Variants in OPHN1 observed in about 807,000 individuals in gnomAD.
OPHN1 encodes oligophrenin-1.
OPHN1 carries 11 observed loss-of-function variants against 60.7 expected under a neutral mutation model. The observed-to-expected ratio is 0.18, with a 90% CI of 0.11 to 0.30. The LOEUF (loss-of-function observed/expected upper bound fraction) is 0.30, where lower values mean the gene tolerates loss of function less well. Ranked by LOEUF, OPHN1 falls within the 10% of genes least tolerant of loss-of-function variation. The pLI is 1.00. For synonymous variants in OPHN1, 226 were observed against 222.6 expected, an observed-to-expected ratio of 1.02 and a Z score of -0.14; for missense variants, 449 against 611.0, an observed-to-expected ratio of 0.73 and a Z score of 2.80.
intron 15 of OPHN1, among the ~76,000 whole-genome samples, chrX:68,179,906 G>T (rs938713475): frequency 2.7e-5 from 3 of 111,375 alleles, no homozygotes; most frequent in African/African-American, 9.8e-5. Flanking sequence ...TTTATCAGGA[G>T]CCCAGTCTCA....
At chrX:68,283,326 CT>C (rs1222125362) in intron 3 of OPHN1, among the ~76,000 whole-genome samples, 1 of 111,653 alleles carries the variant, frequency 9.0e-6, no homozygotes, top group Middle Eastern at 4.2e-3. Context: ...TCCCCATACA[CT>C]TTAATATTTT....
chrX:68,109,853 C>A (rs990838115), intron 18 of OPHN1, among the ~76,000 whole-genome samples: 2 of 111,094 alleles, frequency 1.8e-5, no homozygotes, highest in African/African-American at 6.5e-5. Context: ...TAATACTACA[C>A]TGTTGAATAC....
chrX:68,301,582 A>C (rs527288408), intron 2 of OPHN1, among the ~76,000 whole-genome samples: 2 of 111,845 alleles, frequency 1.8e-5, no homozygotes, highest in South Asian at 3.7e-4. Context: ...AAACAAGTGA[A>C]GTGGATGACT....
intron 2 of OPHN1, among the ~76,000 whole-genome samples, chrX:68,430,385 T>C (rs1377152220): frequency 3.6e-5 from 4 of 112,120 alleles, no homozygotes; most frequent in Non-Finnish European, 7.5e-5. Context: ...TGTCCTATTT[T>C]TGGCTTTCTG....
At chrX:68,246,610 C>T (rs2077807106) in intron 5 of OPHN1, among the ~76,000 whole-genome samples, 1 of 111,716 alleles carries the variant, frequency 9.0e-6, no homozygotes, top group African/African-American at 3.3e-5. Flanking sequence ...CTTGTAGCTC[C>T]ATAAAGTCAA....
intron 2 of OPHN1, among the ~76,000 whole-genome samples, chrX:68,358,333 T>C (rs1458245955): frequency 1.8e-5 from 2 of 108,687 alleles, no homozygotes; most frequent in African/African-American, 3.3e-5. Flanking sequence ...AAAGTAATAA[T>C]AATAATAATG....
intron 6 of OPHN1, among the ~76,000 whole-genome samples, chrX:68,219,632 A>G (rs1024358154): frequency 1.8e-5 from 2 of 111,597 alleles, no homozygotes; most frequent in African/African-American, 6.5e-5. Flanking sequence ...AATCTCACTC[A>G]AAACCACTCA....
At chrX:68,249,045 T>G (rs2077820882) in intron 5 of OPHN1, among the ~76,000 whole-genome samples, 2 of 110,919 alleles carry the variant, frequency 1.8e-5, no homozygotes, top group Admixed American at 9.6e-5. Context: ...CAATACAGAG[T>G]GAATATAGTC....
intron 15 of OPHN1, 102 bp downstream of exon 15, chrX:68,192,817 C>A: frequency 1.4e-6 from 1 of 698,256 alleles, no homozygotes; most frequent in Non-Finnish European, 2.3e-6. Context: ...CTTTTTTCAA[C>A]TATTCTACCA....
chrX:68,318,432 G>A (rs1184016061), intron 2 of OPHN1, among the ~76,000 whole-genome samples: 1 of 111,909 alleles, frequency 8.9e-6, no homozygotes, highest in Non-Finnish European at 1.9e-5. Context: ...AATGTATATG[G>A]AAACATAAAG....
intron 2 of OPHN1, among the ~76,000 whole-genome samples, chrX:68,413,647 T>C (rs1053309284): frequency 9.0e-6 from 1 of 111,544 alleles, no homozygotes; most frequent in African/African-American, 3.3e-5. Flanking sequence ...GGCTCATACC[T>C]GTAATCCCAG....
At chrX:68,192,104 A>C (rs1441127100) in intron 15 of OPHN1, among the ~76,000 whole-genome samples, 2 of 112,044 alleles carry the variant, frequency 1.8e-5, no homozygotes, top group Non-Finnish European at 1.9e-5. Flanking sequence ...AAAAAAAAGA[A>C]GTAAACCAAG....
chrX:68,178,022 C>T (rs914659143), intron 15 of OPHN1, among the ~76,000 whole-genome samples: 1 of 111,763 alleles, frequency 8.9e-6, no homozygotes, highest in Non-Finnish European at 1.9e-5. Context: ...AACATTAATA[C>T]TTACATTTGG....
chrX:68,197,040 G>C, intron 12 of OPHN1, 146 bp downstream of exon 12: 1 of 497,895 alleles, frequency 2.0e-6, no homozygotes, highest in East Asian at 3.6e-5. Context: ...TACCTGCTAA[G>C]AGATGTGGAA....
intron 5 of OPHN1, among the ~76,000 whole-genome samples, chrX:68,256,893 G>A (rs1415132096): frequency 3.6e-5 from 4 of 110,065 alleles, no homozygotes; most frequent in Admixed American, 2.9e-4. Flanking sequence ...TTAGCTGGGT[G>A]TGGTGGCACA....
chrX:68,181,821 C>T (rs1001025789), intron 15 of OPHN1, among the ~76,000 whole-genome samples: 2 of 111,488 alleles, frequency 1.8e-5, no homozygotes, highest in African/African-American at 6.5e-5. Context: ...GAGCAAGACT[C>T]CATCAATAAA....
At chrX:68,402,609 C>T (rs1275716481) in intron 2 of OPHN1, among the ~76,000 whole-genome samples, 1 of 112,018 alleles carries the variant, frequency 8.9e-6, no homozygotes, top group East Asian at 2.8e-4. Context: ...ATAAAGAAAT[C>T]TTATTGCATA....
intron 2 of OPHN1, among the ~76,000 whole-genome samples, chrX:68,348,343 C>G (rs1055440756): frequency 9.0e-6 from 1 of 110,747 alleles, no homozygotes; most frequent in Admixed American, 9.8e-5. Context: ...AGGGAACTAG[C>G]AAGTGTGCAA....
chrX:68,402,392 GAGA>G (rs1323006754), intron 2 of OPHN1, among the ~76,000 whole-genome samples: 68 of 24,642 alleles, frequency 2.8e-3, no homozygotes, highest in Non-Finnish European at 0.015. Flanking sequence ...AGAGAAAGAA[GAGA>G]AGAGAAGAGA....
Sources: gnomAD v4.1 joint callset for allele counts (sites outside exome capture counted in the v4.1 genomes callset) on GRCh38, gnomAD v4.1.1 for gene constraint, MANE v1.5 for transcripts, NCBI Gene and HGNC (gene_info 2026-07-23, HGNC 2026-07-21) for gene names.